Variants in USP49 observed in about 807,000 individuals in gnomAD.
USP49 encodes the protein ubiquitin carboxyl-terminal hydrolase 49.
Under a neutral mutation model 58.6 loss-of-function variants are expected in USP49, and 24 were observed. The observed-to-expected ratio is 0.41, with a 90% CI of 0.30 to 0.58. USP49 has a LOEUF of 0.58. Among genes scored for constraint, USP49 ranks in the 20% least tolerant of loss-of-function variants. USP49 has a pLI of 0.30. For missense variants in USP49, 703 were observed against 866.1 expected (o/e 0.81, Z 2.36); for synonymous variants, 408 against 365.1 (o/e 1.12, Z -1.34).
chr6:41,841,914 G>A (rs1053947069), intron 3 of USP49, among the ~76,000 whole-genome samples: 3 of 152,094 alleles, frequency 2.0e-5, no homozygotes, highest in Non-Finnish European at 4.4e-5. Context: ...AAAATTAGCC[G>A]GGTGTGGTGG....
At chr6:41,850,971 C>A (rs990330743) in intron 3 of USP49, among the ~76,000 whole-genome samples, 1 of 151,958 alleles carries the variant, frequency 6.6e-6, no homozygotes, top group African/African-American at 2.4e-5. Context: ...CTGAAAAAAA[C>A]CAATGAGTAA....
At chr6:41,808,784 C>T (rs1773190545) in intron 3 of USP49, among the ~76,000 whole-genome samples, 1 of 152,094 alleles carries the variant, frequency 6.6e-6, no homozygotes, top group Non-Finnish European at 1.5e-5. Flanking sequence ...AATACCAGAA[C>T]TTAAAATTCC....
intron 3 of USP49, among the ~76,000 whole-genome samples, chr6:41,847,773 A>C (rs1348665459): frequency 6.6e-6 from 1 of 152,158 alleles, no homozygotes; most frequent in Non-Finnish European, 1.5e-5. Flanking sequence ...GAGCACATAA[A>C]GAACTTATAG....
At chr6:41,812,689 C>T (rs1264585553) in intron 3 of USP49, among the ~76,000 whole-genome samples, 3 of 151,836 alleles carry the variant, frequency 2.0e-5, no homozygotes, top group African/African-American at 4.8e-5. Context: ...AGCGAGACTC[C>T]GTCTCAAAAA....
At chr6:41,878,065 C>A (rs1355281447) in intron 2 of USP49, among the ~76,000 whole-genome samples, 1 of 152,172 alleles carries the variant, frequency 6.6e-6, no homozygotes, top group Non-Finnish European at 1.5e-5. Flanking sequence ...GATGTAACAT[C>A]AGCTCTACTT....
intron 3 of USP49, among the ~76,000 whole-genome samples, chr6:41,837,009 A>G (rs1222125907): frequency 6.6e-6 from 1 of 152,232 alleles, no homozygotes; most frequent in Non-Finnish European, 1.5e-5. Flanking sequence ...AGAAGAATCA[A>G]TATTGTTTAA....
At chr6:41,797,838 T>C in intron 7 of USP49, 1 of 982,448 alleles carries the variant, frequency 1.0e-6, no homozygotes, top group South Asian at 4.7e-5. Flanking sequence ...TAACACTGAC[T>C]GAATAAGTAC....
chr6:41,893,722 G>A (rs1041421191), intron 1 of USP49, among the ~76,000 whole-genome samples: 15 of 152,128 alleles, frequency 9.9e-5, no homozygotes, highest in African/African-American at 3.4e-4. Flanking sequence ...AAAGTGGACA[G>A]GAAAGTCAAA....
At chr6:41,870,942 T>G (rs1774403155) in intron 3 of USP49, among the ~76,000 whole-genome samples, 1 of 151,692 alleles carries the variant, frequency 6.6e-6, no homozygotes, top group South Asian at 2.1e-4. Flanking sequence ...TTCCAGCTAG[T>G]TGGGAGGCTG....
chr6:41,893,347 T>G (rs952173985), intron 1 of USP49, among the ~76,000 whole-genome samples: 2 of 152,186 alleles, frequency 1.3e-5, no homozygotes, highest in Non-Finnish European at 1.5e-5. Context: ...CCCAGTAAAC[T>G]TCCTTGGTTG....
At chr6:41,869,220 T>C (rs924012791) in intron 3 of USP49, among the ~76,000 whole-genome samples, 8 of 151,904 alleles carry the variant, frequency 5.3e-5, no homozygotes, top group African/African-American at 1.9e-4. Flanking sequence ...ATACAAACAG[T>C]ATCAGAGATA....
Position 41,795,684 on chromosome 6 carries a change from GAA to G in USP49, c.*847_*848del, listed in dbSNP as rs915882506. The G allele has an allele frequency of 6.6e-6, 1 of 152,234 alleles. No homozygotes were observed. The highest frequency in any genetic ancestry group is 2.4e-5 in the African/African-American group (1 of 41,454). The allele number at this position is 152,234 out of a possible 1,614,324, so 9.4% of individuals were successfully genotyped here. A position where few individuals can be genotyped will look rare whatever the true frequency, so the allele number is the denominator to read the frequency against. The stretch of plus-strand genomic sequence containing the variant: ...CTGCCCACCCTCAATTGAGTTCTGA[GAA>G]AACCTAAGAATCAATTTAAACCAAA... On this transcript the variant is annotated 3_prime_UTR_variant, in exon 8 of 8. Transcript: ENST00000682992.
At chr6:41,820,585 T>A (rs1014493657) in intron 3 of USP49, among the ~76,000 whole-genome samples, 2 of 151,380 alleles carry the variant, frequency 1.3e-5, no homozygotes, top group African/African-American at 4.9e-5. Context: ...AAAAAAAAAA[T>A]AGTAGAAGGA....
chr6:41,852,081 T>C (rs2127350800), intron 3 of USP49, among the ~76,000 whole-genome samples: 1 of 151,946 alleles, frequency 6.6e-6, no homozygotes, highest in East Asian at 1.9e-4. Flanking sequence ...ATCCCAGCAC[T>C]TTGGGTGGAC....
At chr6:41,862,167 C>T (rs1582027494) in intron 3 of USP49, among the ~76,000 whole-genome samples, 1 of 152,258 alleles carries the variant, frequency 6.6e-6, no homozygotes, top group Non-Finnish European at 1.5e-5. Context: ...TACACAAGTG[C>T]ATCTATGACA....
chr6:41,805,497 G>T, intron 4 of USP49, 131 bp downstream of exon 4: 1 of 987,344 alleles, frequency 1.0e-6, no homozygotes, highest in Non-Finnish European at 1.5e-6. Flanking sequence ...AGGTATAATG[G>T]CCACCCTCCA....
At chr6:41,878,006 G>A (rs982220476) in intron 2 of USP49, among the ~76,000 whole-genome samples, 2 of 151,722 alleles carry the variant, frequency 1.3e-5, no homozygotes, top group South Asian at 2.1e-4. Flanking sequence ...GGGCTCAAGC[G>A]ACCCTCCCAC....
chr6:41,808,243 GA>G (rs548809092), intron 3 of USP49, among the ~76,000 whole-genome samples: 1 of 150,612 alleles, frequency 6.6e-6, no homozygotes. Context: ...CGAAACAAAA[GA>G]AAAAAAAGCA....
chr6:41,805,509 A>G, intron 4 of USP49, 119 bp downstream of exon 4: 1 of 1,140,746 alleles, frequency 8.8e-7, no homozygotes. Context: ...CACCCTCCAA[A>G]TTGCATAATC....
Sources: allele counts gnomAD v4.1 joint callset (sites outside exome capture counted in the v4.1 genomes callset), GRCh38; gene constraint gnomAD v4.1.1; transcripts MANE v1.5; gene names NCBI Gene and HGNC (gene_info 2026-07-23, HGNC 2026-07-21).